Variants in CHST6 observed in about 807,000 individuals in gnomAD.
CHST6 encodes the protein N-acetylglucosamine 6-O-sulfotransferase 5.
For missense variants in CHST6, 698 were observed against 586.2 expected (o/e 1.19, Z -1.97); for synonymous variants, 309 against 276.4 (o/e 1.12, Z -1.17).
At position 75,479,004 on chromosome 16, in the gene CHST6, G is replaced by A. The variant is rs747902191; in HGVS notation, c.825C>T (p.Asp275=). 6.2e-7 allele frequency: 1 copy of A among 1,611,956 alleles called. No homozygotes were observed. Among genetic ancestry groups the A allele is most frequent in the South Asian group, 1.1e-5 (1 of 91,084 alleles). The change falls in exon 3 of 3, where the codon GAC becomes GAT. Residue 275 remains aspartate, a synonymous_variant. Transcript: ENST00000332272. ...TTTCTGCCAGCGGCTCCCGCGCCAG[G>A]TCCTCGAAGCGCACCAGGCGGTAGC... The part of the protein sequence containing the change: ...RGRYRLVRFE[D]LAREPLAEIR...
intron 1 of CHST6, among the ~76,000 whole-genome samples, chr16:75,484,831 G>A (rs533489447): frequency 2.0e-5 from 3 of 152,198 alleles, no homozygotes; most frequent in South Asian, 2.1e-4. Flanking sequence ...GCGACAGAGC[G>A]AGACTCCATC....
chr16:75,478,682 A>G lies in CHST6; in HGVS notation c.1147T>C (p.Phe383Leu). The part of the protein sequence containing the change: ...DLVLPRGLNG[F>L]TWASSTASHP... ...GAGGCGGTGGATGATGCCCAAGTGAAGCCGTTCAGGCCTCGTGGCAGCACC... is the reference window on the plus strand; with the variant it reads ...GAGGCGGTGGATGATGCCCAAGTGAGGCCGTTCAGGCCTCGTGGCAGCACC... Residue 383 changes from phenylalanine (F) to leucine (L), a missense_variant, in exon 3 of 3, where the codon TTC becomes CTC. Transcript: ENST00000332272. The G allele has an allele frequency of 6.2e-7, 1 of 1,613,734 alleles. No individual in the cohort carries two copies. Among genetic ancestry groups the G allele is most frequent in the South Asian group, 1.1e-5 (1 of 91,090 alleles).
intron 1 of CHST6, among the ~76,000 whole-genome samples, chr16:75,483,340 G>T (rs2080162985): frequency 2.0e-5 from 3 of 152,152 alleles, no homozygotes; most frequent in African/African-American, 7.2e-5. Context: ...CCAAGCCAAG[G>T]TATTTGTTAC....
rs112748405 is a variant in CHST6, at chr16:75,478,845, G to A, written c.984C>T (p.Asn328=). Residue 328 remains asparagine (N), a synonymous_variant, in exon 3 of 3, where the codon AAC becomes AAT. Transcript: ENST00000332272. ...GCGCATGGCGCCAGGCCTGGGAGAC[G>A]TTGAGCGCATTCCTGGACGAAGTCT... ...AFKTSSRNAL[N]VSQAWRHALP... is the part of the protein sequence containing the mutation. 8.7e-6 allele frequency: 14 copies of A among 1,613,388 alleles called. No individual in the cohort carries two copies. The highest frequency in any genetic ancestry group is 1.7e-5 in the Admixed American group (1 of 60,014).
At position 75,478,553 on chromosome 16, in the gene CHST6, T is replaced by C. The variant is rs1222748434; in HGVS notation, c.*88A>G. 118 of 1,350,768 alleles carry C rather than the reference T, an allele frequency of 8.7e-5. No individual in the cohort carries two copies. Among genetic ancestry groups the C allele is most frequent in the Middle Eastern group, 1.8e-4 (1 of 5,558 alleles). 83.7% of individuals were successfully genotyped at this position (1,350,768 alleles called of 1,614,324 possible). On this transcript the variant is annotated 3_prime_UTR_variant, in exon 3 of 3. Transcript: ENST00000332272. Reference sequence around the variant, plus strand: ...CGTACCACAAACTCCTTGGTCAATATAGGGACCTGCTTCTCCGTGCGCCCC... The same window carrying C: ...CGTACCACAAACTCCTTGGTCAATACAGGGACCTGCTTCTCCGTGCGCCCC...
rs2080034755 is a variant in CHST6, at chr16:75,473,206, A to G, written c.*5435T>C. The G allele has an allele frequency of 6.6e-6, 1 of 152,326 alleles. No individual in the cohort carries two copies. Among genetic ancestry groups the G allele is most frequent in the African/African-American group, 2.4e-5 (1 of 41,458 alleles). 9.4% of individuals were successfully genotyped at this position (152,326 alleles called of 1,614,324 possible). On this transcript the variant is annotated 3_prime_UTR_variant, in exon 3 of 3. Transcript: ENST00000332272. Reference sequence around the variant, plus strand: ...GCTGGGCTCAGCTGGCCTCGCTCATATGTCTTTATAGCTACTCTTCTCAAG... The same window carrying G: ...GCTGGGCTCAGCTGGCCTCGCTCATGTGTCTTTATAGCTACTCTTCTCAAG...
intron 1 of CHST6, among the ~76,000 whole-genome samples, chr16:75,485,032 C>T (rs1305085868): frequency 2.0e-5 from 3 of 152,112 alleles, no homozygotes; most frequent in Admixed American, 6.6e-5. Flanking sequence ...AGCCTTCCAA[C>T]CTCAGAGGCA....
At chr16:75,481,353 G>A (rs148271004) in intron 2 of CHST6, among the ~76,000 whole-genome samples, 29 of 152,158 alleles carry the variant, frequency 1.9e-4, no homozygotes, top group Admixed American at 3.9e-4. Flanking sequence ...AGCAATTTGG[G>A]AGGTTGAGGT....
At chr16:75,483,363 G>A (rs951783027) in intron 1 of CHST6, among the ~76,000 whole-genome samples, 2 of 152,190 alleles carry the variant, frequency 1.3e-5, no homozygotes, top group African/African-American at 4.8e-5. Flanking sequence ...GTGTTCCAGG[G>A]AAGCCAGAGG....
At position 75,479,259 on chromosome 16, in the gene CHST6, G is replaced by A. The variant is rs1159536714; in HGVS notation, c.570C>T (p.Asp190=). 3.7e-6 allele frequency: 6 copies of A among 1,612,622 alleles called. No individual in the cohort carries two copies. The highest frequency in any genetic ancestry group is 5.1e-6 in the Non-Finnish European group (6 of 1,179,778). The change falls in exon 3 of 3, where the codon GAC becomes GAT. Residue 190 remains aspartate, a synonymous_variant. Coordinates refer to ENST00000332272, the MANE Select transcript of CHST6 (RefSeq NM_021615.5). Reference sequence around the variant, plus strand: ...GCACGATGCGTAGGTTGAGCGCGGGGTCGCTGAGCAGCGGGTAGAGCACCT... The same window carrying A: ...GCACGATGCGTAGGTTGAGCGCGGGATCGCTGAGCAGCGGGTAGAGCACCT... The part of the protein sequence containing the change: ...NLQVLYPLLS[D]PALNLRIVHL...
intron 2 of CHST6, 30 bp from the exon 3 acceptor site, chr16:75,479,874 C>A: frequency 1.3e-6 from 2 of 1,526,582 alleles, no homozygotes; most frequent in Non-Finnish European, 1.8e-6. Context: ...CGGTTAGGGG[C>A]TGCAGCCTGC....
chr16:75,492,491 AT>A (rs896221996), intron 1 of CHST6, among the ~76,000 whole-genome samples: 1 of 152,210 alleles, frequency 6.6e-6, no homozygotes, highest in African/African-American at 2.4e-5. Flanking sequence ...TAATTACCTT[AT>A]TTTTTAAAAG....
Position 75,481,328 on chromosome 16 carries a change from C to A in CHST6, c.-17+489G>T, listed in dbSNP as rs543182401. On this transcript the variant is annotated intron_variant, in intron 2 of 2. Coordinates refer to ENST00000332272, the MANE Select transcript of CHST6 (RefSeq NM_021615.5). Reference sequence around the variant, plus strand: ...GCAAATAAGTCCAGGCACAGTGGCTCATGCCTGTAATCCTAGCAATTTGGG... The same window carrying A: ...GCAAATAAGTCCAGGCACAGTGGCTAATGCCTGTAATCCTAGCAATTTGGG... Among the ~76,000 whole-genome samples the A allele has an allele frequency of 2.6e-3, 399 of 151,766 alleles. 1 individual carries two copies. Among genetic ancestry groups the A allele is most frequent in the Middle Eastern group, 6.8e-3 (2 of 294 alleles).
chr16:75,486,032 T>C (rs1296510242), intron 1 of CHST6, among the ~76,000 whole-genome samples: 1 of 152,196 alleles, frequency 6.6e-6, no homozygotes, highest in Non-Finnish European at 1.5e-5. Context: ...TTATCTCCCA[T>C]ATCCCAGGCT....
In CHST6 at chr16:75,478,412, G is replaced by A. The variant is rs575369127; in HGVS notation, c.*229C>T. ...GCCCAGAGGAGGAGGGGCAAGAGTT[G>A]CTTTCCATGAAGAGTGCACCTGATG... is the stretch of plus-strand genomic sequence containing the variant. On this transcript the variant is annotated 3_prime_UTR_variant, in exon 3 of 3. Transcript: ENST00000332272. 4.0e-5 allele frequency: 23 copies of A among 579,742 alleles called. No individual in the cohort carries two copies. The East Asian group carries it at 6.5e-4, about 16-fold the overall frequency. 35.9% of individuals were successfully genotyped at this position (579,742 alleles called of 1,614,324 possible).
rs748465323 is a variant in CHST6, at chr16:75,479,854, G to A, written c.-16-10C>T. On this transcript the variant is annotated splice_polypyrimidine_tract_variant and intron_variant, in intron 2 of 2. Coordinates refer to ENST00000332272, the MANE Select transcript of CHST6 (RefSeq NM_021615.5). The stretch of plus-strand genomic sequence containing the variant: ...GCTGACTGCTGGGGGCCTTAGGGAG[G>A]AGAGCGCAGCGGTTAGGGGCTGCAG... The A allele has an allele frequency of 1.3e-6, 2 of 1,541,918 alleles. No individual in the cohort carries two copies. Among genetic ancestry groups the A allele is most frequent in the Non-Finnish European group, 1.7e-6 (2 of 1,147,178 alleles).
chr16:75,486,911 T>C (rs1188755537), intron 1 of CHST6, among the ~76,000 whole-genome samples: 1 of 152,170 alleles, frequency 6.6e-6, no homozygotes, highest in Non-Finnish European at 1.5e-5. Flanking sequence ...GCTAATTACA[T>C]GGGTGTGTTC....
chr16:75,493,930 C>T (rs376152084), intron 1 of CHST6, among the ~76,000 whole-genome samples: 3 of 152,172 alleles, frequency 2.0e-5, no homozygotes, highest in Non-Finnish European at 2.9e-5. Flanking sequence ...CTGCAACCTC[C>T]GCCTCCTGGG....
intron 1 of CHST6, among the ~76,000 whole-genome samples, chr16:75,491,519 G>T (rs372502193): frequency 6.6e-6 from 1 of 151,782 alleles, no homozygotes; most frequent in Non-Finnish European, 1.5e-5. Context: ...ACAGGTGCCC[G>T]ACGCCACGCC....
Sources: gnomAD v4.1 joint callset for allele counts (sites outside exome capture counted in the v4.1 genomes callset) on GRCh38, gnomAD v4.1.1 for gene constraint, MANE v1.5 for transcripts, NCBI Gene and HGNC (gene_info 2026-07-23, HGNC 2026-07-21) for gene names.